The following UBR3 variants were observed in gnomAD, a reference collection of about 807,000 sequenced individuals.
UBR3 encodes the protein E3 ubiquitin-protein ligase UBR3.
UBR3 carries 85 observed loss-of-function variants against 243.2 expected under a neutral mutation model. That is an observed-to-expected ratio of 0.35 (90% CI 0.29 to 0.42). The LOEUF (loss-of-function observed/expected upper bound fraction) is 0.42, where lower values mean the gene tolerates loss of function less well. UBR3 is among the 10% of genes least tolerant of loss of function. The pLI, the probability that UBR3 is intolerant of heterozygous loss-of-function variation, is 1.00. For synonymous variants in UBR3, 748 were observed against 799.8 expected (o/e 0.94, Z 1.09); for missense variants, 1,686 against 2,300.8 (o/e 0.73, Z 5.47).
At chr2:170,002,794 A>T (rs1227081685) in intron 27 of UBR3, among the ~76,000 whole-genome samples, 2 of 151,758 alleles carry the variant, frequency 1.3e-5, no homozygotes, top group African/African-American at 4.8e-5. Context: ...TGGATGTTAC[A>T]TTTTCTTATT....
intron 1 of UBR3, among the ~76,000 whole-genome samples, chr2:169,864,054 T>G (rs188118452): frequency 1.3e-3 from 195 of 148,844 alleles, no homozygotes; most frequent in African/African-American, 4.4e-3. Flanking sequence ...TTTTCTTTTC[T>G]TTTTTTTTTG....
At chr2:170,064,825 T>TTTTTTTTTG (rs2091525543) in intron 35 of UBR3, among the ~76,000 whole-genome samples, 1 of 88,902 alleles carries the variant, frequency 1.1e-5, no homozygotes. Context: ...TTTTTTTTTT[T>TTTTTTTTTG]GCTATATATG....
rs1407808766 is a variant in UBR3 at position 169,845,530 on chromosome 2, C to T, written c.545+17478C>T. On this transcript the variant is annotated intron_variant, in intron 1 of 38. Transcript: ENST00000272793. The stretch of plus-strand genomic sequence containing the variant: ...TCGTCGTCGTCGTCGTCGTCGTCGT[C>T]GTCTTCTTCTTCTTCTTCTTCTTTC... Among the ~76,000 whole-genome samples the T allele has an allele frequency of 7.9e-5, 10 of 127,092 alleles. No individual in the cohort carries two copies. In the East Asian group the frequency reaches 1.9e-3, roughly 24 times the overall value. The allele number at this position is 127,092 out of a possible 152,430, so 83.4% of individuals were successfully genotyped here. A position where few individuals can be genotyped will look rare whatever the true frequency, so the allele number is the denominator to read the frequency against.
chr2:169,908,948 C>T (rs537026879), intron 10 of UBR3, among the ~76,000 whole-genome samples: 30 of 151,816 alleles, frequency 2.0e-4, no homozygotes, highest in African/African-American at 5.8e-4. Context: ...CTCAGCCTCC[C>T]GAGTAGGTGG....
At chr2:169,913,054 A>G (rs1315444412) in intron 10 of UBR3, among the ~76,000 whole-genome samples, 2 of 152,214 alleles carry the variant, frequency 1.3e-5, no homozygotes. Flanking sequence ...AAGTGTTGCC[A>G]TTATAGGCAT....
chr2:169,911,355 A>T (rs1275657590), intron 10 of UBR3, among the ~76,000 whole-genome samples: 1 of 152,174 alleles, frequency 6.6e-6, no homozygotes, highest in Non-Finnish European at 1.5e-5. Flanking sequence ...TATTTGTCAG[A>T]CATAGTGTTA....
chr2:169,890,243 T>C (rs968822353), intron 5 of UBR3, among the ~76,000 whole-genome samples: 13 of 152,018 alleles, frequency 8.6e-5, no homozygotes, highest in African/African-American at 2.9e-4. Flanking sequence ...ACCACTACTT[T>C]TACCTTGGTT....
intron 26 of UBR3, among the ~76,000 whole-genome samples, chr2:169,998,124 C>G (rs2089565137): frequency 6.6e-6 from 1 of 152,056 alleles, no homozygotes; most frequent in Admixed American, 6.6e-5. Context: ...TATCAATAAT[C>G]CTGGTTTTAA....
In UBR3 at chr2:170,029,597, T is replaced by C. The variant is rs2090617699; in HGVS notation, c.4556+149T>C. On this transcript the variant is annotated intron_variant, in intron 31 of 38. Coordinates refer to ENST00000272793, the MANE Select transcript of UBR3 (RefSeq NM_172070.4). ...AATATATCATAAGAATTGAAAACAG[T>C]TTACCATTATGCTGTCTGTAAAAAT... 6 of 627,178 alleles carry C rather than the reference T, an allele frequency of 9.6e-6. No homozygotes were observed. The South Asian group carries it at 1.4e-4, about 15-fold the overall frequency. 38.9% of individuals were successfully genotyped at this position (627,178 alleles called of 1,614,324 possible).
intron 1 of UBR3, among the ~76,000 whole-genome samples, chr2:169,842,975 C>T (rs531326780): frequency 1.3e-5 from 2 of 152,324 alleles, no homozygotes; most frequent in South Asian, 4.1e-4. Context: ...ATGGCTTTTG[C>T]TATCCATATT....
At chr2:169,841,641 C>T (rs2082292736) in intron 1 of UBR3, among the ~76,000 whole-genome samples, 2 of 152,232 alleles carry the variant, frequency 1.3e-5, no homozygotes, top group African/African-American at 4.8e-5. Context: ...CCAGCCAGCC[C>T]TGCTGGCCCC....
chr2:170,036,821 C>T (rs1294848513), intron 31 of UBR3, among the ~76,000 whole-genome samples: 1 of 152,002 alleles, frequency 6.6e-6, no homozygotes, highest in Non-Finnish European at 1.5e-5. Flanking sequence ...CTTTTCTTGA[C>T]CCATTGAAGT....
chr2:170,066,065 C>T (rs1312826390), intron 35 of UBR3, among the ~76,000 whole-genome samples: 1 of 151,374 alleles, frequency 6.6e-6, no homozygotes, highest in Non-Finnish European at 1.5e-5. Flanking sequence ...AATTTTTGAA[C>T]ATTAATCTTA....
At chr2:169,845,719 G>T (rs2082457783) in intron 1 of UBR3, among the ~76,000 whole-genome samples, 1 of 151,564 alleles carries the variant, frequency 6.6e-6, no homozygotes, top group Non-Finnish European at 1.5e-5. Flanking sequence ...CCAAGTGGCT[G>T]GGACTACAGG....
intron 6 of UBR3, among the ~76,000 whole-genome samples, chr2:169,893,626 G>C (rs142874425): frequency 2.1e-3 from 316 of 152,218 alleles, no homozygotes; most frequent in Middle Eastern, 0.02. Flanking sequence ...GCATGGTCTT[G>C]GCTCACTGCA....
At chr2:169,852,382 A>G (rs370163431) in intron 1 of UBR3, among the ~76,000 whole-genome samples, 23 of 152,316 alleles carry the variant, frequency 1.5e-4, no homozygotes, top group East Asian at 1.3e-3. Context: ...TTGGCAAACT[A>G]TTGCCCAAGG....
chr2:169,833,937 C>G (rs778493240), intron 1 of UBR3, among the ~76,000 whole-genome samples: 10 of 152,074 alleles, frequency 6.6e-5, no homozygotes. Flanking sequence ...CGCACACCAC[C>G]ACACACAGCT....
intron 5 of UBR3, among the ~76,000 whole-genome samples, chr2:169,880,600 T>TTG (rs910059318): frequency 6.6e-6 from 1 of 152,114 alleles, no homozygotes; most frequent in Admixed American, 6.6e-5. Flanking sequence ...AAGGACATCC[T>TTG]TGTGTGTGTG....
At chr2:169,895,404 G>C in intron 7 of UBR3, 93 bp downstream of exon 7, 1 of 1,350,184 alleles carries the variant, frequency 7.4e-7, no homozygotes, top group Admixed American at 2.8e-5. Flanking sequence ...TCAGGTGAAG[G>C]TTGATATAAC....
Sources: gnomAD v4.1 joint callset for allele counts (sites outside exome capture counted in the v4.1 genomes callset) on GRCh38, gnomAD v4.1.1 for gene constraint, MANE v1.5 for transcripts, NCBI Gene and HGNC (gene_info 2026-07-23, HGNC 2026-07-21) for gene names.